Variants in HEATR5A observed in about 807,000 individuals in gnomAD.
The protein encoded by HEATR5A is HEAT repeat containing 5A, also known as HEAT repeat-containing protein 5A.
A neutral mutation model predicts 218.8 loss-of-function variants in HEATR5A; 178 were observed. The observed-to-expected ratio is 0.81, with a 90% CI of 0.72 to 0.92. HEATR5A has a LOEUF of 0.92. HEATR5A is among the 40% of genes least tolerant of loss of function. The pLI, the probability that HEATR5A is intolerant of heterozygous loss-of-function variation, is 0.00. For missense variants in HEATR5A, 2,420 were observed against 2,418.9 expected (o/e 1.00, Z -0.01); for synonymous variants, 864 against 871.6 (o/e 0.99, Z 0.15).
intron 11 of HEATR5A, among the ~76,000 whole-genome samples, chr14:31,378,543 T>C (rs916816650): frequency 6.6e-6 from 1 of 152,066 alleles, no homozygotes; most frequent in African/African-American, 2.4e-5. Context: ...ATCCCAGCGC[T>C]TTGGGAGGCC....
At chr14:31,298,745 T>A (rs1899270465) in intron 33 of HEATR5A, among the ~76,000 whole-genome samples, 1 of 152,198 alleles carries the variant, frequency 6.6e-6, no homozygotes. Flanking sequence ...CTAATACTTC[T>A]ATCTCCAACC....
At chr14:31,408,909 G>C (rs1285372824) in intron 1 of HEATR5A, among the ~76,000 whole-genome samples, 1 of 103,140 alleles carries the variant, frequency 9.7e-6, no homozygotes. Context: ...GGCTAAAACG[G>C]TGAAACCCCG....
Position 31,326,263 on chromosome 14 carries a change from A to G in HEATR5A, c.3447T>C (p.His1149=). The change falls in exon 23 of 36, where the codon CAT becomes CAC. Residue 1149 remains histidine, a synonymous_variant. Coordinates refer to ENST00000543095, the MANE Select transcript of HEATR5A (RefSeq NM_015473.4). ...LDKETDERLC[H]DIKETLNYML... The stretch of plus-strand genomic sequence containing the variant: ...TATAATTTAAAGTCTCTTTGATATC[A>G]TGGCATAATCTCTCATCTGTCTCCT... The G allele has an allele frequency of 6.2e-7, 1 of 1,613,158 alleles. No homozygotes were observed. Among genetic ancestry groups the G allele is most frequent in the Non-Finnish European group, 8.5e-7 (1 of 1,179,254 alleles).
chr14:31,388,971 C>T lies in HEATR5A; in HGVS notation c.807G>A (p.Leu269=). 6.2e-7 allele frequency: 1 copy of T among 1,613,480 alleles called. No individual in the cohort carries two copies. The highest frequency in any genetic ancestry group is 8.5e-7 in the Non-Finnish European group (1 of 1,179,620). ...ASRQSIRRVS[L]EEVLELLGTG... ...TTCCTAGTAATTCCAGAACTTCCTCCAAAGATACTCTGCGAATGCTTTGAC... is the reference window on the plus strand; with the variant it reads ...TTCCTAGTAATTCCAGAACTTCCTCTAAAGATACTCTGCGAATGCTTTGAC... Residue 269 remains leucine, a synonymous_variant, in exon 7 of 36, where the codon TTG becomes TTA. Coordinates refer to ENST00000543095, the MANE Select transcript of HEATR5A (RefSeq NM_015473.4).
intron 1 of HEATR5A, among the ~76,000 whole-genome samples, chr14:31,405,402 C>T (rs1317217264): frequency 1.3e-5 from 2 of 152,140 alleles, no homozygotes; most frequent in African/African-American, 2.4e-5. Context: ...CCACTGCACT[C>T]CAGACTGGGG....
At chr14:31,303,995 C>G in intron 32 of HEATR5A, among the ~76,000 whole-genome samples, 1 of 151,828 alleles carries the variant, frequency 6.6e-6, no homozygotes, top group East Asian at 1.9e-4. Context: ...CACTTGAGGC[C>G]AGGAGTTCAA....
intron 20 of HEATR5A, 96 bp from the exon 21 acceptor site, chr14:31,344,161 A>G (rs1900935884): frequency 1.6e-6 from 1 of 632,540 alleles, no homozygotes; most frequent in Non-Finnish European, 2.4e-6. Context: ...TCCAGTTTAA[A>G]CATATATTAC....
At chr14:31,367,448 G>GGA (rs1901843371) in intron 13 of HEATR5A, among the ~76,000 whole-genome samples, 1 of 151,720 alleles carries the variant, frequency 6.6e-6, no homozygotes, top group Non-Finnish European at 1.5e-5. Flanking sequence ...TACCCAGGCT[G>GGA]GAGTGCAGTG....
At chr14:31,366,419 T>C (rs929849081) in intron 13 of HEATR5A, among the ~76,000 whole-genome samples, 1 of 152,224 alleles carries the variant, frequency 6.6e-6, no homozygotes, top group African/African-American at 2.4e-5. Context: ...ATTCACAAGA[T>C]GTTAGGAAAT....
intron 21 of HEATR5A, among the ~76,000 whole-genome samples, chr14:31,338,439 T>G (rs1472442470): frequency 6.6e-6 from 1 of 152,142 alleles, no homozygotes; most frequent in African/African-American, 2.4e-5. Context: ...AGAATACATA[T>G]ATGTATACAT....
intron 6 of HEATR5A, among the ~76,000 whole-genome samples, chr14:31,392,091 G>C (rs183915828): frequency 6.6e-6 from 1 of 152,280 alleles, no homozygotes; most frequent in East Asian, 1.9e-4. Context: ...AATGGCCCTT[G>C]ATATGAGTTT....
chr14:31,390,324 G>A (rs563435507), intron 6 of HEATR5A, among the ~76,000 whole-genome samples: 5 of 152,092 alleles, frequency 3.3e-5, no homozygotes, highest in Non-Finnish European at 7.4e-5. Context: ...GATATAATAT[G>A]TCATGCTGCT....
intron 16 of HEATR5A, among the ~76,000 whole-genome samples, chr14:31,356,720 C>A (rs1901439360): frequency 6.6e-6 from 1 of 151,312 alleles, no homozygotes; most frequent in Admixed American, 6.6e-5. Flanking sequence ...ACTATGAGCA[C>A]ATTAAAAAAT....
At chr14:31,384,226 T>C (rs971220821) in intron 9 of HEATR5A, among the ~76,000 whole-genome samples, 2 of 152,184 alleles carry the variant, frequency 1.3e-5, no homozygotes, top group Non-Finnish European at 2.9e-5. Flanking sequence ...GCAGACTGCC[T>C]GAGCTCAGGA....
chr14:31,386,677 C>T, intron 8 of HEATR5A, 102 bp from the exon 9 acceptor site: 1 of 949,928 alleles, frequency 1.1e-6, no homozygotes, highest in Non-Finnish European at 1.6e-6. Context: ...TTTACACATA[C>T]ACTTGATCTA....
Position 31,296,160 on chromosome 14 carries a change from C to T in HEATR5A, c.5465-97G>A. 6.7e-6 allele frequency: 6 copies of T among 892,698 alleles called. No individual in the cohort carries two copies. The South Asian group carries it at 8.4e-5, about 13-fold the overall frequency. 55.3% of individuals were successfully genotyped at this position (892,698 alleles called of 1,614,324 possible). ...TTTGGTAGTAACAGTTTGGTGTACACAACAGATACACACAATGAACGCTGA... is the reference window on the plus strand; with the variant it reads ...TTTGGTAGTAACAGTTTGGTGTACATAACAGATACACACAATGAACGCTGA... On this transcript the variant is annotated intron_variant, in intron 33 of 35. Coordinates refer to ENST00000543095, the MANE Select transcript of HEATR5A (RefSeq NM_015473.4).
intron 16 of HEATR5A, among the ~76,000 whole-genome samples, chr14:31,356,062 A>C (rs1901415727): frequency 6.6e-6 from 1 of 152,204 alleles, no homozygotes; most frequent in South Asian, 2.1e-4. Context: ...TAAGGCCAAA[A>C]AGCAAACAGC....
chr14:31,382,165 A>G (rs532964508), intron 10 of HEATR5A, among the ~76,000 whole-genome samples: 1 of 152,368 alleles, frequency 6.6e-6, no homozygotes, highest in South Asian at 2.1e-4. Flanking sequence ...TGAATTAATG[A>G]GATATGAGAA....
chr14:31,402,876 C>T lies in HEATR5A; in HGVS notation c.100G>A (p.Glu34Lys). ...EFIFEWLRYL[E>K]KLLLATSRND... ...CTGCTGGTTGCCAACAAGAGCTTCTCCAAGTATCTCAACCACTCAAAAATA... is the reference window on the plus strand; with the variant it reads ...CTGCTGGTTGCCAACAAGAGCTTCTTCAAGTATCTCAACCACTCAAAAATA... The change falls in exon 2 of 36, where the codon GAG becomes AAG. Residue 34 changes from glutamate to lysine, a missense_variant. Physicochemically the swap from Glu to Lys is moderately conservative, Grantham distance 56 (BLOSUM62 1). Transcript: ENST00000543095. The T allele has an allele frequency of 6.5e-7, 1 of 1,536,546 alleles. No homozygotes were observed. Among genetic ancestry groups the T allele is most frequent in the Non-Finnish European group, 8.7e-7 (1 of 1,146,940 alleles).
Sources: allele counts gnomAD v4.1 joint callset (sites outside exome capture counted in the v4.1 genomes callset), GRCh38; gene constraint gnomAD v4.1.1; transcripts MANE v1.5; gene names NCBI Gene and HGNC (gene_info 2026-07-23, HGNC 2026-07-21).